FBLN2: variants seen among roughly 807,000 people sequenced by gnomAD.
The protein encoded by FBLN2 is fibulin 2, also known as fibulin-2.
In FBLN2, 81 loss-of-function variants were observed where a neutral mutation model predicts 123.7. That is an observed-to-expected ratio of 0.65 (90% CI 0.55 to 0.79). The LOEUF (loss-of-function observed/expected upper bound fraction) is 0.79, where lower values mean the gene tolerates loss of function less well. Ranked by LOEUF, FBLN2 falls within the 30% of genes least tolerant of loss-of-function variation. The pLI is 0.00. For synonymous variants in FBLN2, 699 were observed against 701.4 expected (o/e 1.00, Z 0.05); for missense variants, 1,603 against 1,681.3 (o/e 0.95, Z 0.81).
At chr3:13,576,385 T>C (rs1280536735) in intron 2 of FBLN2, among the ~76,000 whole-genome samples, 1 of 152,212 alleles carries the variant, frequency 6.6e-6, no homozygotes, top group Admixed American at 6.5e-5. Flanking sequence ...CATCTCTGCC[T>C]TCCCAGGGAT....
rs772029530 is a variant in FBLN2, at chr3:13,629,007, C to T, written c.2672C>T (p.Ala891Val). Residue 891 changes from alanine (A) to valine (V), a missense_variant, in exon 12 of 18, where the codon GCG becomes GTG. Transcript: ENST00000404922. The part of the protein sequence containing the change: ...YTCQRNPLIC[A>V]RGYHASDDGT... ...TGCCAGAGGAACCCGCTGATCTGCG[C>T]GCGCGGCTACCACGCCAGCGATGAT... The T allele has an allele frequency of 3.3e-5, 53 of 1,613,276 alleles. No individual in the cohort carries two copies. Among genetic ancestry groups the T allele is most frequent in the Middle Eastern group, 3.3e-4 (2 of 6,082 alleles).
intron 4 of FBLN2, among the ~76,000 whole-genome samples, chr3:13,612,323 C>CTTTCTTTCTTTCTTTT (rs1705426194): frequency 7.4e-6 from 1 of 134,950 alleles, no homozygotes; most frequent in African/African-American, 2.8e-5. Flanking sequence ...TTCTTTCTTT[C>CTTTCTTTCTTTCTTTT]TTTCTTTCTT....
intron 6 of FBLN2, among the ~76,000 whole-genome samples, chr3:13,618,613 C>A (rs1705718641): frequency 6.6e-6 from 1 of 152,188 alleles, no homozygotes; most frequent in African/African-American, 2.4e-5. Context: ...GGATTTCCTC[C>A]CAGTCACTGG....
chr3:13,596,231 G>C (rs1033948315), intron 2 of FBLN2, among the ~76,000 whole-genome samples: 2 of 152,168 alleles, frequency 1.3e-5, no homozygotes, highest in African/African-American at 4.8e-5. Context: ...TAGACCTCCT[G>C]GGCTCAAGGC....
intron 5 of FBLN2, among the ~76,000 whole-genome samples, chr3:13,615,862 A>AC (rs1705580378): frequency 6.6e-6 from 1 of 152,090 alleles, no homozygotes; most frequent in African/African-American, 2.4e-5. Context: ...TTTTATCTAG[A>AC]CCCAGTCAGC....
In FBLN2 at chr3:13,630,170, C is replaced by A. The variant is rs1408331221; in HGVS notation, c.2968+225C>A. 2.6e-5 allele frequency among the ~76,000 whole-genome samples: 4 copies of A among 152,344 alleles called. No homozygotes were observed. In the East Asian group the frequency reaches 7.7e-4, roughly 29 times the overall value. On this transcript the variant is annotated intron_variant, in intron 14 of 17. Coordinates refer to ENST00000404922, the MANE Select transcript of FBLN2 (RefSeq NM_001004019.2). ...TGCCCTGAATTCCCCTGCTGAGGTC[C>A]TGGGGCTCCAGCTCCCTCAGTCCAG... is the stretch of plus-strand genomic sequence containing the variant.
At chr3:13,630,589 C>CCCCA (rs1706222444) in intron 14 of FBLN2, 110 bp from the exon 15 acceptor site, 1 of 884,042 alleles carries the variant, frequency 1.1e-6, no homozygotes. Flanking sequence ...CATAGGTCAA[C>CCCCA]CCCAGTCCAG....
intron 5 of FBLN2, 59 bp from the exon 6 acceptor site, chr3:13,618,017 G>T: frequency 6.5e-7 from 1 of 1,527,524 alleles, no homozygotes; most frequent in Admixed American, 1.7e-5. Flanking sequence ...AAAGCTGGTT[G>T]TCTCAGCCAC....
chr3:13,589,590 C>G (rs949392156), intron 2 of FBLN2, among the ~76,000 whole-genome samples: 2 of 152,188 alleles, frequency 1.3e-5, no homozygotes, highest in African/African-American at 4.8e-5. Context: ...CCAGTGCTCT[C>G]TCTCATTTGG....
chr3:13,573,448 G>C, intron 2 of FBLN2, among the ~76,000 whole-genome samples: 1 of 152,210 alleles, frequency 6.6e-6, no homozygotes, highest in Non-Finnish European at 1.5e-5. Context: ...TCCTCAGCTC[G>C]TATCACTGCT....
intron 16 of FBLN2, 61 bp downstream of exon 16, chr3:13,631,518 G>A: frequency 6.6e-7 from 1 of 1,515,126 alleles, no homozygotes; most frequent in East Asian, 2.5e-5. Context: ...CTCCAAGCAG[G>A]CACAGAAAAG....
chr3:13,592,887 C>T (rs376234498), intron 2 of FBLN2, among the ~76,000 whole-genome samples: 73 of 152,180 alleles, frequency 4.8e-4, no homozygotes, highest in African/African-American at 1.7e-3. Flanking sequence ...TGTGGCTGAG[C>T]TCGCTCAGGT....
At chr3:13,590,375 G>T (rs530572108) in intron 2 of FBLN2, among the ~76,000 whole-genome samples, 53 of 151,900 alleles carry the variant, frequency 3.5e-4, no homozygotes, top group African/African-American at 1.3e-3. Flanking sequence ...GCCCAGACTG[G>T]AGTGCAGAGG....
At chr3:13,603,865 C>A (rs939321245) in intron 2 of FBLN2, among the ~76,000 whole-genome samples, 2 of 152,132 alleles carry the variant, frequency 1.3e-5, no homozygotes, top group African/African-American at 4.8e-5. Context: ...AGTGTAAAAG[C>A]GTTCCTATTT....
At chr3:13,631,511 C>T (rs900390808) in intron 16 of FBLN2, 54 bp downstream of exon 16, 3 of 1,524,556 alleles carry the variant, frequency 2.0e-6, no homozygotes, top group African/African-American at 2.8e-5. Context: ...GGGCAGGCTC[C>T]AAGCAGGCAC....
intron 1 of FBLN2, among the ~76,000 whole-genome samples, chr3:13,570,097 C>G (rs1291684191): frequency 6.6e-6 from 1 of 152,110 alleles, no homozygotes; most frequent in African/African-American, 2.4e-5. Context: ...AGGTCAACAC[C>G]TGTGGCGCCC....
chr3:13,632,706 T>C (rs1447756728), intron 16 of FBLN2, among the ~76,000 whole-genome samples: 2 of 152,120 alleles, frequency 1.3e-5, no homozygotes, highest in Admixed American at 1.3e-4. Context: ...TGTGGGTGGA[T>C]GCAAACGTAT....
chr3:13,618,261 G>A lies in FBLN2; in HGVS notation c.1915G>A (p.Asp639Asn), dbSNP rs764128494. ...CACFPGFSLQ[D>N]DGRTCRPEGH... ...CTGCTTTCCTGGCTTCTCACTGCAG[G>A]ACGATGGCCGCACTTGCCGCCCAGG... Residue 639 changes from aspartate (D) to asparagine (N), a missense_variant, in exon 6 of 18, where the codon GAC becomes AAC. Physicochemically the swap from Asp to Asn is conservative, Grantham distance 23 (BLOSUM62 1). Transcript: ENST00000404922. The A allele has an allele frequency of 8.3e-5, 134 of 1,613,760 alleles. No individual in the cohort carries two copies. Among genetic ancestry groups the A allele is most frequent in the Non-Finnish European group, 1.1e-4 (130 of 1,179,910 alleles).
rs143676763 is a variant in FBLN2, at chr3:13,631,643, G to A, written c.3214+186G>A. Among the ~76,000 whole-genome samples, 572 of 152,352 alleles carry A rather than the reference G, an allele frequency of 3.8e-3. 2 individuals are homozygous for A. Among genetic ancestry groups the A allele is most frequent in the African/African-American group, 0.013 (559 of 41,572 alleles). ...TGTGCCTGGGATGAAGAACGTGACA[G>A]TCTTGCTGCTGCTCAATCCAGCTTA... is the stretch of plus-strand genomic sequence containing the variant. On this transcript the variant is annotated intron_variant, in intron 16 of 17. Transcript: ENST00000404922.
Sources: gnomAD v4.1 joint callset for allele counts (sites outside exome capture counted in the v4.1 genomes callset) on GRCh38, gnomAD v4.1.1 for gene constraint, MANE v1.5 for transcripts, NCBI Gene and HGNC (gene_info 2026-07-23, HGNC 2026-07-21) for gene names.